NTM: variants seen among roughly 807,000 people sequenced by gnomAD.
The protein encoded by NTM is neurotrimin, also known as IgLON family member 2.
A neutral mutation model predicts 42.1 loss-of-function variants in NTM; 13 were observed. The observed-to-expected ratio is 0.31, with a 90% confidence interval of 0.20 to 0.49. The LOEUF is 0.49. Among genes scored for constraint, NTM ranks in the 20% least tolerant of loss-of-function variants. The pLI is 0.99. For synonymous variants in NTM, 187 were observed against 179.2 expected (o/e 1.04, Z -0.35); for missense variants, 373 against 452.8 (o/e 0.82, Z 1.60).
chr11:131,410,517 CAAAAAAAAA>C (rs1161389222), intron 1 of NTM, among the ~76,000 whole-genome samples: 2 of 32,754 alleles, frequency 6.1e-5, no homozygotes, highest in African/African-American at 2.8e-4. Context: ...AAACAATAAC[CAAAAAAAAA>C]AAAAAAAAAA....
chr11:132,254,660 C>G (rs74972211), intron 4 of NTM, among the ~76,000 whole-genome samples: 1 of 152,100 alleles, frequency 6.6e-6, no homozygotes, highest in Non-Finnish European at 1.5e-5. Context: ...CTATAAAAGA[C>G]TCGGTTTCTG....
chr11:131,505,132 G>T (rs1009415712), intron 1 of NTM, among the ~76,000 whole-genome samples: 6 of 151,962 alleles, frequency 3.9e-5, no homozygotes, highest in Admixed American at 3.3e-4. Flanking sequence ...CCTCATCTAA[G>T]AAATAGGGGT....
chr11:131,657,125 T>C (rs1270972518), intron 1 of NTM, among the ~76,000 whole-genome samples: 1 of 144,028 alleles, frequency 6.9e-6, no homozygotes, highest in African/African-American at 2.6e-5. Context: ...CTTGTGGTTT[T>C]ACAATGGCCC....
Position 132,132,572 on chromosome 11 carries a change from T to C in NTM, c.168-13710T>C, listed in dbSNP as rs118086448. On this transcript the variant is annotated intron_variant, in intron 2 of 8. Coordinates refer to ENST00000683400, the MANE Select transcript of NTM (RefSeq NM_001352005.2). Reference sequence around the variant, plus strand: ...AAATAATAGGGAAGGGAGGGAACGATAGCATCCGCACTCAGAAGGTTTGTA... The same window carrying C: ...AAATAATAGGGAAGGGAGGGAACGACAGCATCCGCACTCAGAAGGTTTGTA... Among the ~76,000 whole-genome samples, 790 of 152,296 alleles carry C rather than the reference T, an allele frequency of 5.2e-3. 6 individuals carry two copies. The highest frequency in any genetic ancestry group is 0.015 in the South Asian group (72 of 4,824).
At chr11:131,543,780 G>A (rs2053582723) in intron 1 of NTM, among the ~76,000 whole-genome samples, 1 of 152,182 alleles carries the variant, frequency 6.6e-6, no homozygotes, top group Non-Finnish European at 1.5e-5. Flanking sequence ...GTAACAGTTG[G>A]TAAACGAGTC....
intron 1 of NTM, chr11:131,661,284 C>G (rs903937922): frequency 3.5e-6 from 1 of 284,370 alleles, no homozygotes. Context: ...AGGTTTTGCA[C>G]GCTAATGCTA....
intron 1 of NTM, among the ~76,000 whole-genome samples, chr11:131,653,023 A>G (rs905968996): frequency 2.6e-5 from 4 of 152,198 alleles, no homozygotes; most frequent in African/African-American, 7.2e-5. Context: ...AGACTGTAGC[A>G]TGATTACAGC....
At chr11:132,185,607 A>G (rs554527974) in intron 3 of NTM, among the ~76,000 whole-genome samples, 2 of 152,346 alleles carry the variant, frequency 1.3e-5, no homozygotes, top group South Asian at 4.1e-4. Context: ...CAAATGGCTC[A>G]GTATTGCTAA....
chr11:131,842,361 G>A (rs1232192637), intron 1 of NTM, among the ~76,000 whole-genome samples: 1 of 152,200 alleles, frequency 6.6e-6, no homozygotes, highest in Non-Finnish European at 1.5e-5. Context: ...TACAGTGTTT[G>A]TGTTGTGTGT....
At chr11:132,094,995 T>A (rs1363809629) in intron 2 of NTM, among the ~76,000 whole-genome samples, 1 of 152,182 alleles carries the variant, frequency 6.6e-6, no homozygotes, top group Admixed American at 6.5e-5. Flanking sequence ...GACAGCTCCA[T>A]CATTGCAGGG....
At position 131,737,749 on chromosome 11, in the gene NTM, C is replaced by T. The variant is rs563171595; in HGVS notation, c.83-173815C>T. Among the ~76,000 whole-genome samples the T allele has an allele frequency of 1.1e-4, 16 of 152,118 alleles. 2 individuals carry two copies. In the South Asian group the frequency reaches 1.7e-3, roughly 16 times the overall value. ...TTGGAATCCGACTCTTGATTTCTGCCCTGGAGTGAGCAGGAGGCAGGATGG... is the reference window on the plus strand; with the variant it reads ...TTGGAATCCGACTCTTGATTTCTGCTCTGGAGTGAGCAGGAGGCAGGATGG... On this transcript the variant is annotated intron_variant, in intron 1 of 8. Coordinates refer to ENST00000683400, the MANE Select transcript of NTM (RefSeq NM_001352005.2).
chr11:131,908,973 G>A (rs1276899177), intron 1 of NTM, among the ~76,000 whole-genome samples: 3 of 152,208 alleles, frequency 2.0e-5, no homozygotes, highest in Non-Finnish European at 4.4e-5. Context: ...TAGTTTTGGT[G>A]TTATATATCA....
chr11:132,053,468 C>T (rs755166146), intron 2 of NTM, among the ~76,000 whole-genome samples: 2 of 152,154 alleles, frequency 1.3e-5, no homozygotes, highest in Non-Finnish European at 2.9e-5. Context: ...ACCAAACAAA[C>T]TCATGCTACA....
At chr11:131,918,710 G>T (rs1210870152) in intron 2 of NTM, among the ~76,000 whole-genome samples, 1 of 152,068 alleles carries the variant, frequency 6.6e-6, no homozygotes, top group African/African-American at 2.4e-5. Flanking sequence ...CAGTGAGTTT[G>T]GTTGTCCCTC....
chr11:131,706,998 T>G (rs78618655), intron 1 of NTM, among the ~76,000 whole-genome samples: 1 of 152,032 alleles, frequency 6.6e-6, no homozygotes. Flanking sequence ...TGATAACTTT[T>G]AAATTTTACT....
intron 4 of NTM, among the ~76,000 whole-genome samples, chr11:132,247,499 T>C (rs2091348830): frequency 6.6e-6 from 1 of 152,212 alleles, no homozygotes; most frequent in Non-Finnish European, 1.5e-5. Flanking sequence ...CTTTAATAGA[T>C]GTCTCTTCTT....
intron 3 of NTM, among the ~76,000 whole-genome samples, chr11:132,203,257 C>A (rs909273643): frequency 6.6e-6 from 1 of 152,160 alleles, no homozygotes; most frequent in East Asian, 1.9e-4. Flanking sequence ...ATCTCTATTT[C>A]TCTTCGTATT....
chr11:132,273,105 T>TA (rs2093559871), intron 4 of NTM, among the ~76,000 whole-genome samples: 1 of 152,120 alleles, frequency 6.6e-6, no homozygotes, highest in Non-Finnish European at 1.5e-5. Flanking sequence ...GTGTTTTTTT[T>TA]ATCATGAAGG....
At chr11:131,752,482 G>A (rs909467458) in intron 1 of NTM, among the ~76,000 whole-genome samples, 4 of 152,190 alleles carry the variant, frequency 2.6e-5, no homozygotes, top group Non-Finnish European at 5.9e-5. Context: ...TCAGTGTGGC[G>A]ATTCCTCAGG....
Sources: gnomAD v4.1 joint callset for allele counts (sites outside exome capture counted in the v4.1 genomes callset) on GRCh38, gnomAD v4.1.1 for gene constraint, MANE v1.5 for transcripts, NCBI Gene and HGNC (gene_info 2026-07-23, HGNC 2026-07-21) for gene names.